BAZ1B: variants seen among roughly 807,000 people sequenced by gnomAD.
BAZ1B encodes tyrosine-protein kinase BAZ1B.
BAZ1B carries 22 observed loss-of-function variants against 153.8 expected under a neutral mutation model. The observed-to-expected ratio is 0.14, with a 90% CI of 0.10 to 0.20. BAZ1B has a LOEUF of 0.20. Among genes scored for constraint, BAZ1B ranks in the 10% least tolerant of loss-of-function variants. The probability of loss-of-function intolerance (pLI) is 1.00; values close to 1 mark genes in which losing one functional copy is unlikely to be tolerated. For synonymous variants in BAZ1B, 676 were observed against 633.4 expected (o/e 1.07, Z -1.01); for missense variants, 1,325 against 1,799.3 (o/e 0.74, Z 4.77).
rs782428351 is a variant in BAZ1B, at chr7:73,466,421, T to C, written c.2867-20A>G. The C allele has an allele frequency of 7.7e-6, 12 of 1,565,020 alleles. No homozygotes were observed. The highest frequency in any genetic ancestry group is 3.3e-5 in the Admixed American group (2 of 59,874). ...TCTTACCTAAGAAAAATTGAGACAT[T>C]AGGTTGACTTTAGTAAATACCCAAT... is the stretch of plus-strand genomic sequence containing the variant. On this transcript the variant is annotated intron_variant, in intron 9 of 19. Coordinates refer to ENST00000339594, the MANE Select transcript of BAZ1B (RefSeq NM_032408.4).
intron 6 of BAZ1B, among the ~76,000 whole-genome samples, chr7:73,488,639 A>G (rs1414256494): frequency 3.3e-5 from 5 of 151,382 alleles, no homozygotes; most frequent in East Asian, 1.9e-4. Context: ...GGCTGAGAAG[A>G]AGGAGAAGGA....
intron 1 of BAZ1B, among the ~76,000 whole-genome samples, chr7:73,519,459 C>A (rs1347098844): frequency 6.6e-6 from 1 of 152,052 alleles, no homozygotes; most frequent in Admixed American, 6.6e-5. Context: ...CAGAAATTCC[C>A]GAAAGAGCAA....
At chr7:73,517,186 A>G (rs1554579491) in intron 1 of BAZ1B, among the ~76,000 whole-genome samples, 2 of 151,370 alleles carry the variant, frequency 1.3e-5, no homozygotes, top group African/African-American at 4.9e-5. Flanking sequence ...CCAGCTCAAA[A>G]ACAAAAAAAA....
At chr7:73,501,959 T>C (rs1790149876) in intron 3 of BAZ1B, among the ~76,000 whole-genome samples, 1 of 151,406 alleles carries the variant, frequency 6.6e-6, no homozygotes, top group African/African-American at 2.4e-5. Context: ...GGTGCAATCT[T>C]GGCTCACTAC....
chr7:73,468,923 A>G (rs948555898), intron 9 of BAZ1B, among the ~76,000 whole-genome samples: 8 of 152,164 alleles, frequency 5.3e-5, no homozygotes, highest in Admixed American at 2.0e-4. Context: ...TGAGGTCAGG[A>G]GTTTGAGACC....
intron 3 of BAZ1B, among the ~76,000 whole-genome samples, chr7:73,503,832 T>G (rs1189249176): frequency 6.6e-6 from 1 of 152,068 alleles, no homozygotes; most frequent in Non-Finnish European, 1.5e-5. Flanking sequence ...CCCTCTAGAT[T>G]CTGGTGAGTT....
At chr7:73,451,715 G>C (rs1554568302) in intron 13 of BAZ1B, among the ~76,000 whole-genome samples, 2 of 152,192 alleles carry the variant, frequency 1.3e-5, no homozygotes, top group Non-Finnish European at 2.9e-5. Context: ...CTCTGTTGTA[G>C]ATATTTCAAC....
At chr7:73,515,794 A>G (rs1790775108) in intron 1 of BAZ1B, among the ~76,000 whole-genome samples, 1 of 152,100 alleles carries the variant, frequency 6.6e-6, no homozygotes, top group African/African-American at 2.4e-5. Context: ...CACCTGCCTC[A>G]GCCTCCCAAA....
rs1554571046 is a variant in BAZ1B, at chr7:73,465,462, T to C, written c.3048A>G (p.Gln1016=). The change falls in exon 11 of 20, where the codon CAA becomes CAG. Residue 1016 remains glutamine (Q), a synonymous_variant. Transcript: ENST00000339594. ...CLHPQGIRES[Q]LKERLEKRYQ... is the part of the protein sequence containing the mutation. ...ACCTCTTCTCTAGTCTCTCTTTAAG[T>C]TGACTTTCTCTTATTCCCTGAGGGT... The C allele has an allele frequency of 6.2e-7, 1 of 1,607,212 alleles. No homozygotes were observed. The highest frequency in any genetic ancestry group is 1.1e-5 in the South Asian group (1 of 89,692).
At position 73,500,890 on chromosome 7, in the gene BAZ1B, TA is replaced by T. The variant is rs1207744313; in HGVS notation, c.370-2193del. Reference sequence around the variant, plus strand: ...TGGGCAACAAGCAAAACTCTGTTTATAAAAAAAAAAAAAAAACAGAGTTCAA... The same window carrying T: ...TGGGCAACAAGCAAAACTCTGTTTATAAAAAAAAAAAAAAACAGAGTTCAA... On this transcript the variant is annotated intron_variant, in intron 3 of 19. Coordinates refer to ENST00000339594, the MANE Select transcript of BAZ1B (RefSeq NM_032408.4). Among the ~76,000 whole-genome samples the T allele has an allele frequency of 7.6e-3, 795 of 105,182 alleles. 18 individuals are homozygous for T. In the East Asian group the frequency reaches 0.11, roughly 14 times the overall value. The allele number at this position is 105,182 out of a possible 152,430, so 69.0% of individuals were successfully genotyped here.
At chr7:73,449,157 T>C (rs922469409) in intron 15 of BAZ1B, among the ~76,000 whole-genome samples, 3 of 152,178 alleles carry the variant, frequency 2.0e-5, no homozygotes, top group Admixed American at 6.5e-5. Context: ...CTACTCATGA[T>C]AGGGAAGAAA....
intron 6 of BAZ1B, 61 bp downstream of exon 6, chr7:73,489,133 G>A: frequency 6.7e-7 from 1 of 1,501,908 alleles, no homozygotes; most frequent in Non-Finnish European, 9.2e-7. Flanking sequence ...TAAATATACT[G>A]GAGCCATCAG....
At chr7:73,469,807 A>G (rs554269231) in intron 8 of BAZ1B, among the ~76,000 whole-genome samples, 157 bp from the exon 9 acceptor site, 82 of 152,348 alleles carry the variant, frequency 5.4e-4, no homozygotes, top group Non-Finnish European at 9.7e-4. Context: ...AAAAATTGCA[A>G]GGTAAATCAA....
chr7:73,501,684 C>G (rs1000048577), intron 3 of BAZ1B, among the ~76,000 whole-genome samples: 1 of 152,088 alleles, frequency 6.6e-6, no homozygotes, highest in Non-Finnish European at 1.5e-5. Flanking sequence ...AAGGCCTTCA[C>G]ACACCCTGTT....
chr7:73,471,402 T>A (rs1788798662), intron 7 of BAZ1B, among the ~76,000 whole-genome samples: 1 of 152,218 alleles, frequency 6.6e-6, no homozygotes, highest in African/African-American at 2.4e-5. Flanking sequence ...AGTTAGAAAT[T>A]TCCCTCAACA....
intron 15 of BAZ1B, among the ~76,000 whole-genome samples, chr7:73,448,053 C>T (rs368616966): frequency 7.0e-4 from 107 of 152,318 alleles, no homozygotes; most frequent in African/African-American, 2.5e-3. Flanking sequence ...GCCTGTAATC[C>T]CAGCACTTTG....
rs1049837120 is a variant in BAZ1B, at chr7:73,520,955, A to T, written c.107+872T>A. 4.9e-5 allele frequency among the ~76,000 whole-genome samples: 7 copies of T among 142,950 alleles called. No individual in the cohort carries two copies. In the East Asian group the frequency reaches 9.7e-4, roughly 20 times the overall value. The allele number at this position is 142,950 out of a possible 152,430, so 93.8% of individuals were successfully genotyped here. On this transcript the variant is annotated intron_variant, in intron 1 of 19. Transcript: ENST00000339594. ...AAAAACGATTCTTCTGGCACCCATT[A>T]AAAAAAAGCAAATAAAAGCTGCACA...
intron 8 of BAZ1B, 91 bp downstream of exon 8, chr7:73,470,254 G>A: frequency 7.6e-7 from 1 of 1,311,848 alleles, no homozygotes; most frequent in Non-Finnish European, 1.0e-6. Flanking sequence ...GAAGAGAGAA[G>A]CTTGTCTATT....
At chr7:73,521,431 T>TA (rs1791036795) in intron 1 of BAZ1B, among the ~76,000 whole-genome samples, 1 of 152,176 alleles carries the variant, frequency 6.6e-6, no homozygotes, top group African/African-American at 2.4e-5. Flanking sequence ...TTTAAATTTT[T>TA]AAAAAATTTT....
Sources: gnomAD v4.1 joint callset for allele counts (sites outside exome capture counted in the v4.1 genomes callset) on GRCh38, gnomAD v4.1.1 for gene constraint, MANE v1.5 for transcripts, NCBI Gene and HGNC (gene_info 2026-07-23, HGNC 2026-07-21) for gene names.